DAAM2: variants seen among roughly 807,000 people sequenced by gnomAD.
DAAM2 encodes dishevelled associated activator of morphogenesis 2, also known as disheveled-associated activator of morphogenesis 2.
A neutral mutation model predicts 120.7 loss-of-function variants in DAAM2; 39 were observed. That is an observed-to-expected ratio of 0.32 (90% CI 0.25 to 0.42). The LOEUF is 0.42. Among genes scored for constraint, DAAM2 ranks in the 10% least tolerant of loss-of-function variants. The pLI is 1.00. For missense variants in DAAM2, 1,283 were observed against 1,401.7 expected (o/e 0.92, Z 1.35); for synonymous variants, 488 against 524.9 (o/e 0.93, Z 0.96).
At chr6:39,801,225 C>T (rs1761852805) in intron 1 of DAAM2, among the ~76,000 whole-genome samples, 2 of 152,156 alleles carry the variant, frequency 1.3e-5, no homozygotes, top group Admixed American at 1.3e-4. Flanking sequence ...TGAAAAAGTA[C>T]ATTTTTCCCC....
intron 1 of DAAM2, among the ~76,000 whole-genome samples, chr6:39,826,589 C>T (rs1762682285): frequency 6.6e-6 from 1 of 152,180 alleles, no homozygotes; most frequent in Non-Finnish European, 1.5e-5. Context: ...TCACGATCCT[C>T]CTGAAATTCT....
chr6:39,899,152 G>T, intron 22 of DAAM2: 1 of 559,512 alleles, frequency 1.8e-6, no homozygotes, highest in South Asian at 2.4e-5. Flanking sequence ...TGTCCAACTT[G>T]GTATCTATTT....
At chr6:39,833,504 C>T (rs933301923) in intron 1 of DAAM2, among the ~76,000 whole-genome samples, 2 of 152,128 alleles carry the variant, frequency 1.3e-5, no homozygotes, top group African/African-American at 4.8e-5. Flanking sequence ...GACAGAGTTT[C>T]ACCATGTTGG....
At position 39,878,737 on chromosome 6, in the gene DAAM2, A is replaced by G; in HGVS notation, c.1545+149A>G. 1.3e-6 allele frequency: 1 copy of G among 786,228 alleles called. No individual in the cohort carries two copies. The highest frequency in any genetic ancestry group is 2.0e-6 in the Non-Finnish European group (1 of 495,392). The allele number at this position is 786,228 out of a possible 1,614,324, so 48.7% of individuals were successfully genotyped here. A position where few individuals can be genotyped will look rare whatever the true frequency, so the allele number is the denominator to read the frequency against. ...TGGGCCAGGATAGAAGAGACCCTTG[A>G]GGCTGTACAGGTGGCATCTTTGTGT... On this transcript the variant is annotated intron_variant, in intron 13 of 24. Coordinates refer to ENST00000274867, the MANE Select transcript of DAAM2 (RefSeq NM_001201427.2). This position sits in a 1 kb window ranked among gnomAD's most constrained non-coding sequence, Gnocchi z 5.0.
intron 21 of DAAM2, 23 bp from the exon 22 acceptor site, chr6:39,898,849 ATTCCC>A (rs1253427383): frequency 5.6e-6 from 9 of 1,598,948 alleles, no homozygotes; most frequent in African/African-American, 4.0e-5. Flanking sequence ...GATGGTCCTC[ATTCCC>A]TTCCCTCTGT....
At chr6:39,847,714 G>T (rs1294421788) in intron 1 of DAAM2, among the ~76,000 whole-genome samples, 1 of 151,822 alleles carries the variant, frequency 6.6e-6, no homozygotes, top group Non-Finnish European at 1.5e-5. Context: ...GGCGGTTCAG[G>T]GTCTCATTCC....
At chr6:39,863,574 G>A (rs912541028) in intron 3 of DAAM2, among the ~76,000 whole-genome samples, 1 of 152,188 alleles carries the variant, frequency 6.6e-6, no homozygotes, top group African/African-American at 2.4e-5. Context: ...GGAGAAAGCA[G>A]ATGGGGAGGA....
intron 1 of DAAM2, among the ~76,000 whole-genome samples, chr6:39,802,850 C>T (rs1171124171): frequency 1.3e-5 from 2 of 152,144 alleles, no homozygotes; most frequent in African/African-American, 4.8e-5. Flanking sequence ...CCCAGCCCTG[C>T]CCAAGAAGCC....
At position 39,904,274 on chromosome 6, in the gene DAAM2, A is replaced by ATAT. The variant is rs1404722735; in HGVS notation, c.*2239_*2241dup. 8 of 456,626 alleles carry ATAT rather than the reference A, an allele frequency of 1.8e-5. No homozygotes were observed. Among genetic ancestry groups the ATAT allele is most frequent in the Admixed American group, 9.4e-5 (4 of 42,558 alleles). The allele number at this position is 456,626 out of a possible 1,614,324, so 28.3% of individuals were successfully genotyped here. ...TCAGCCTTCTCACTCTAAAAGAAAG[A>ATAT]TATTTTTCTATTTATTTTCTACATC... On this transcript the variant is annotated 3_prime_UTR_variant, in exon 25 of 25. Coordinates refer to ENST00000274867, the MANE Select transcript of DAAM2 (RefSeq NM_001201427.2).
At chr6:39,882,654 C>T (rs796793926) in intron 14 of DAAM2, among the ~76,000 whole-genome samples, 17 of 151,818 alleles carry the variant, frequency 1.1e-4, no homozygotes, top group African/African-American at 2.9e-4. Flanking sequence ...TCCAGAAGCC[C>T]GACGCCTCTC....
chr6:39,897,595 G>T (rs1427413933), intron 21 of DAAM2, among the ~76,000 whole-genome samples: 1 of 152,192 alleles, frequency 6.6e-6, no homozygotes, highest in African/African-American at 2.4e-5. Flanking sequence ...CAGTATGGGA[G>T]ACTTACACGA....
chr6:39,889,156 T>C (rs1233680916), intron 17 of DAAM2: 1 of 156,200 alleles, frequency 6.4e-6, no homozygotes, highest in African/African-American at 2.4e-5. Flanking sequence ...AGACAAACCT[T>C]AGAAGAAGAT....
At position 39,901,882 on chromosome 6, in the gene DAAM2, G is replaced by A; in HGVS notation, c.3052G>A (p.Glu1018Lys). ...GGTCCTGGCTGCAGGCAGCTCGCTG[G>A]AGGAGGGAGGAGAGTTCGATGACCT... ...RKVLAAGSSL[E>K]EGGEFDDLVS... The change falls in exon 25 of 25, where the codon GAG becomes AAG. Residue 1018 changes from glutamate to lysine, a missense_variant. Physicochemically the swap from Glu to Lys is moderately conservative, Grantham distance 56. Transcript: ENST00000274867. The surrounding 1 kb of genome is among the most constrained non-coding windows in gnomAD (Gnocchi z 4.5). The A allele has an allele frequency of 6.3e-7, 1 of 1,597,876 alleles. No individual in the cohort carries two copies. Among genetic ancestry groups the A allele is most frequent in the East Asian group, 2.2e-5 (1 of 44,448 alleles).
intron 8 of DAAM2, among the ~76,000 whole-genome samples, chr6:39,870,720 C>T (rs2504791): frequency 0.69 from 104,842 of 152,162 alleles, 37,136 homozygotes; most frequent in African/African-American, 0.86. Flanking sequence ...TATGAGGGTA[C>T]TCTTTGGTTT....
At chr6:39,823,767 T>C (rs1462484651) in intron 1 of DAAM2, among the ~76,000 whole-genome samples, 1 of 152,166 alleles carries the variant, frequency 6.6e-6, no homozygotes, top group African/African-American at 2.4e-5. Flanking sequence ...GCCTGGTGCT[T>C]TGGCCCTTAG....
intron 15 of DAAM2, chr6:39,886,103 C>T: frequency 3.4e-6 from 1 of 294,250 alleles, no homozygotes; most frequent in Non-Finnish European, 6.3e-6. Context: ...AAAGGAAGAA[C>T]AGGCAGCAAA....
intron 3 of DAAM2, among the ~76,000 whole-genome samples, chr6:39,863,957 T>C (rs1202763120): frequency 6.6e-6 from 1 of 152,206 alleles, no homozygotes; most frequent in Non-Finnish European, 1.5e-5. Flanking sequence ...TGTTTTCTAT[T>C]AGTGTTCTAG....
intron 17 of DAAM2, among the ~76,000 whole-genome samples, chr6:39,889,997 G>A (rs1015203851): frequency 3.9e-5 from 6 of 151,992 alleles, no homozygotes; most frequent in African/African-American, 1.5e-4. Context: ...GTGTGATGGT[G>A]CATGCCTGTA....
At chr6:39,890,595 G>A (rs1004508389) in intron 17 of DAAM2, among the ~76,000 whole-genome samples, 1 of 152,164 alleles carries the variant, frequency 6.6e-6, no homozygotes, top group African/African-American at 2.4e-5. Flanking sequence ...TCACTTGAAT[G>A]GCTTACTGAA....
Sources: allele counts gnomAD v4.1 joint callset (sites outside exome capture counted in the v4.1 genomes callset), GRCh38; gene constraint gnomAD v4.1.1; non-coding constraint Gnocchi (gnomAD v3.1); transcripts MANE v1.5; gene names NCBI Gene and HGNC (gene_info 2026-07-23, HGNC 2026-07-21).